NUDT17: variants seen among roughly 807,000 people sequenced by gnomAD.
NUDT17 encodes the protein nudix hydrolase 17.
NUDT17 carries 38 observed loss-of-function variants against 38.6 expected under a neutral mutation model. The ratio of observed to expected loss-of-function variants is 0.98; its 90% CI spans 0.76 to 1.29. NUDT17 has a LOEUF of 1.29. Ranked by LOEUF, NUDT17 falls within the 50% of genes most tolerant of loss-of-function variation. NUDT17 has a pLI of 0.00. For synonymous variants in NUDT17, 192 were observed against 167.8 expected (o/e 1.14, Z -1.11); for missense variants, 462 against 415.2 (o/e 1.11, Z -0.98).
In NUDT17 at chr1:145,848,414, C is replaced by A; in HGVS notation, c.922C>A (p.Pro308Thr). 1 of 1,614,120 alleles carries A rather than the reference C, an allele frequency of 6.2e-7. No individual in the cohort carries two copies. The highest frequency in any genetic ancestry group is 1.7e-5 in the Admixed American group (1 of 60,012). ...GTGTAAAAGTGCAGCTTACCTGGAC[C>A]CAGGGCCAGCAAAGGAAGAATGGAA... ...PPCKSAAYLD[P>T]GPAKEEWNMD... The change falls in exon 8 of 8, where the codon CCA becomes ACA. Residue 308 changes from proline to threonine, a missense_variant. Pro to Thr is a conservative substitution (Grantham distance 38). Coordinates refer to ENST00000334513, the MANE Select transcript of NUDT17 (RefSeq NM_001012758.3).
rs1559158542 is a variant in NUDT17, at chr1:145,846,055, AGGGTCC to A, written c.236_241del (p.Arg79_Pro81delinsThr). On this transcript the variant is annotated inframe_deletion, in exon 2 of 8. Coordinates refer to ENST00000334513, the MANE Select transcript of NUDT17 (RefSeq NM_001012758.3). The stretch of plus-strand genomic sequence containing the variant: ...TTTTGCGGCCCTGGAGGAGCGGCCC[AGGGTCC>A]CTGGGGCTGAGCTGCCCACAGATCG... 6.2e-7 allele frequency: 1 copy of A among 1,605,432 alleles called. No homozygotes were observed. Among genetic ancestry groups the A allele is most frequent in the Non-Finnish European group, 8.5e-7 (1 of 1,176,786 alleles).
intron 6 of NUDT17, 38 bp downstream of exon 6, chr1:145,847,757 A>G (rs1652779138): frequency 3.7e-6 from 6 of 1,602,262 alleles, no homozygotes; most frequent in Non-Finnish European, 3.4e-6. Context: ...TAATACACCA[A>G]CATATTCATG....
Position 145,848,394 on chromosome 1 carries a change from A to G in NUDT17, c.902A>G (p.Lys301Arg). Residue 301 changes from lysine to arginine, a missense_variant, in exon 8 of 8, where the codon AAA (lysine) becomes AGA (arginine). Physicochemically the swap from Lys to Arg is conservative, Grantham distance 26 (BLOSUM62 2). Transcript: ENST00000334513. ...CTCCACAGAACACCCCCACCGTGTA[A>G]AAGTGCAGCTTACCTGGACCCAGGG... ...QHLGRTPPPC[K>R]SAAYLDPGPA... The G allele has an allele frequency of 6.6e-7, 1 of 1,504,822 alleles. No homozygotes were observed. The highest frequency in any genetic ancestry group is 9.2e-7 in the Non-Finnish European group (1 of 1,089,304). 93.2% of individuals were successfully genotyped at this position (1,504,822 alleles called of 1,614,324 possible).
At chr1:145,845,926 AC>A (rs1473070318) in intron 1 of NUDT17, 86 bp from the exon 2 acceptor site, 4 of 1,522,662 alleles carry the variant, frequency 2.6e-6, no homozygotes, top group Non-Finnish European at 3.6e-6. Context: ...CCCGCCCCCA[AC>A]GCGCGGTGTA....
chr1:145,848,336 G>C, intron 7 of NUDT17, 41 bp from the exon 8 acceptor site: 1 of 1,612,052 alleles, frequency 6.2e-7, no homozygotes, highest in Non-Finnish European at 8.5e-7. Flanking sequence ...AGGCACGGGG[G>C]AAAGCAGGAA....
At chr1:145,846,721 A>G (rs1652707829) in intron 4 of NUDT17, 31 bp downstream of exon 4, 2 of 1,457,476 alleles carry the variant, frequency 1.4e-6, no homozygotes, top group East Asian at 2.3e-5. Flanking sequence ...AAGCTCCTCC[A>G]TAGATCAGCC....
rs781958200 is a variant in NUDT17 at position 145,848,414 on chromosome 1, C to T, written c.922C>T (p.Pro308Ser). Residue 308 changes from proline to serine, a missense_variant, in exon 8 of 8, where the codon CCA becomes TCA. Transcript: ENST00000334513. ...GTGTAAAAGTGCAGCTTACCTGGAC[C>T]CAGGGCCAGCAAAGGAAGAATGGAA... The part of the protein sequence containing the change: ...PPCKSAAYLD[P>S]GPAKEEWNMD... 6.2e-7 allele frequency: 1 copy of T among 1,614,120 alleles called. No individual in the cohort carries two copies. The highest frequency in any genetic ancestry group is 1.7e-5 in the Admixed American group (1 of 60,012).
At position 145,848,678 on chromosome 1, in the gene NUDT17, G is replaced by A. The variant is rs924879658; in HGVS notation, c.*199G>A. The A allele has an allele frequency of 1.6e-5, 9 of 565,914 alleles. No individual in the cohort carries two copies. The South Asian group carries it at 1.8e-4, about 11-fold the overall frequency. 35.1% of individuals were successfully genotyped at this position (565,914 alleles called of 1,614,324 possible). A position where few individuals can be genotyped will look rare whatever the true frequency, so the allele number is the denominator to read the frequency against. On this transcript the variant is annotated 3_prime_UTR_variant, in exon 8 of 8. Coordinates refer to ENST00000334513, the MANE Select transcript of NUDT17 (RefSeq NM_001012758.3). ...CCACCTCCCTGGAAAGGTGCAGAATGAGCCAGGCCTAACTACAGGGCCATG... is the reference window on the plus strand; with the variant it reads ...CCACCTCCCTGGAAAGGTGCAGAATAAGCCAGGCCTAACTACAGGGCCATG...
At chr1:145,846,558 C>A in intron 3 of NUDT17, 40 bp from the exon 4 acceptor site, 1 of 1,604,540 alleles carries the variant, frequency 6.2e-7, no homozygotes, top group Non-Finnish European at 8.5e-7. Context: ...TTGGAAGAGT[C>A]AGGCACTGGC....
At chr1:145,847,421 A>C in intron 5 of NUDT17, 73 bp downstream of exon 5, 1 of 864,486 alleles carries the variant, frequency 1.2e-6, no homozygotes, top group Non-Finnish European at 1.8e-6. Context: ...TGTGATTAGG[A>C]GCTGGGCGGG....
intron 6 of NUDT17, among the ~76,000 whole-genome samples, 192 bp from the exon 7 acceptor site, chr1:145,847,920 A>T (rs1202979448): frequency 6.6e-6 from 1 of 152,188 alleles, no homozygotes; most frequent in Non-Finnish European, 1.5e-5. Flanking sequence ...ACTGGCTAGC[A>T]TTGAAGGTCT....
At position 145,847,232 on chromosome 1, in the gene NUDT17, G is replaced by A; in HGVS notation, c.496-18G>A. ...AAAGTGACGGAAAGTTCTCACTTTT[G>A]CTGTTTTCTTTTCCTAGTCTGCCTA... On this transcript the variant is annotated intron_variant, in intron 4 of 7. Coordinates refer to ENST00000334513, the MANE Select transcript of NUDT17 (RefSeq NM_001012758.3). 7.2e-7 allele frequency: 1 copy of A among 1,386,518 alleles called. No individual in the cohort carries two copies. Among genetic ancestry groups the A allele is most frequent in the Non-Finnish European group, 1.0e-6 (1 of 1,002,520 alleles). 85.9% of individuals were successfully genotyped at this position (1,386,518 alleles called of 1,614,324 possible).
In NUDT17 at chr1:145,845,814, C is replaced by T. The variant is rs140457339; in HGVS notation, c.174C>T (p.Ser58=). 3,605 of 1,596,746 alleles carry T rather than the reference C, an allele frequency of 2.3e-3. 10 individuals are homozygous for T. Among genetic ancestry groups the T allele is most frequent in the Non-Finnish European group, 2.9e-3 (3,343 of 1,172,456 alleles). ...CGAGCAGGCCCTTCCCAGGCGCCTC[C>T]GCTAGGCTTCCGCTCCAGGTCGGCA... ...VLSSRPFPGA[S]ARLPLQRPPF... is the part of the protein sequence containing the mutation. Residue 58 remains serine (S), a synonymous_variant, in exon 1 of 8, where the codon TCC becomes TCT. Transcript: ENST00000334513.
At chr1:145,847,431 G>A (rs782592062) in intron 5 of NUDT17, 83 bp downstream of exon 5, 2 of 1,331,050 alleles carry the variant, frequency 1.5e-6, no homozygotes, top group South Asian at 1.2e-5. Flanking sequence ...AGCTGGGCGG[G>A]GGTGGCGGGG....
Position 145,848,573 on chromosome 1 carries a change from T to C in NUDT17, c.*94T>C. On this transcript the variant is annotated 3_prime_UTR_variant, in exon 8 of 8. Transcript: ENST00000334513. Reference sequence around the variant, plus strand: ...GAGAGCTTCACTACAACTTTAGAAATAAAAAGTAAAATTACAACATAGGTC... The same window carrying C: ...GAGAGCTTCACTACAACTTTAGAAACAAAAAGTAAAATTACAACATAGGTC... 1 of 918,708 alleles carries C rather than the reference T, an allele frequency of 1.1e-6. No individual in the cohort carries two copies. Among genetic ancestry groups the C allele is most frequent in the Non-Finnish European group, 1.7e-6 (1 of 586,394 alleles). 56.9% of individuals were successfully genotyped at this position (918,708 alleles called of 1,614,324 possible).
intron 6 of NUDT17, 135 bp from the exon 7 acceptor site, chr1:145,847,977 C>T (rs782165281): frequency 2.5e-5 from 26 of 1,025,402 alleles, no homozygotes; most frequent in Non-Finnish European, 3.8e-5. Flanking sequence ...CCTCCTTGAA[C>T]CTGTTTCCTT....
chr1:145,846,089 G>T lies in NUDT17; in HGVS notation c.269G>T (p.Gly90Val). The T allele has an allele frequency of 6.2e-7, 1 of 1,604,530 alleles. No individual in the cohort carries two copies. The highest frequency in any genetic ancestry group is 2.2e-5 in the East Asian group (1 of 44,524). The change falls in exon 2 of 8, where the codon GGT becomes GTT. Residue 90 changes from glycine (G) to valine (V), a missense_variant. Gly to Val is a moderately radical substitution (Grantham distance 109, BLOSUM62 -3). Transcript: ENST00000334513. ...VPGAELPTDR[G>V]VDLGVAVILQ... ...GGGGCTGAGCTGCCCACAGATCGAG[G>T]TGTGGACCTGGGTGTGGCCGTCATT...
Position 145,848,139 on chromosome 1 carries a change from A to C in NUDT17, c.759A>C (p.Arg253Ser), listed in dbSNP as rs1553733102. ...CAGTGGAACTAGAGGAGGATGGAAG[A>C]GCCCGACCTCTGGTCCTGCACATGT... Reference protein sequence around the residue: ...VLAVELEEDGRARPLVLHMST... With the variant: ...VLAVELEEDGSARPLVLHMST... Residue 253 changes from arginine to serine, a missense_variant, in exon 7 of 8, where the codon AGA becomes AGC. Coordinates refer to ENST00000334513, the MANE Select transcript of NUDT17 (RefSeq NM_001012758.3). The C allele has an allele frequency of 6.2e-7, 1 of 1,613,782 alleles. No individual in the cohort carries two copies. The highest frequency in any genetic ancestry group is 8.5e-7 in the Non-Finnish European group (1 of 1,179,946).
At chr1:145,845,886 T>C (rs1553732215) in intron 1 of NUDT17, 54 bp downstream of exon 1, 4 of 1,537,474 alleles carry the variant, frequency 2.6e-6, no homozygotes, top group East Asian at 2.4e-5. Context: ...AGATGGGGAC[T>C]GAAATCGGGT....
Sources: allele counts gnomAD v4.1 joint callset (sites outside exome capture counted in the v4.1 genomes callset), GRCh38; gene constraint gnomAD v4.1.1; transcripts MANE v1.5; gene names NCBI Gene and HGNC (gene_info 2026-07-23, HGNC 2026-07-21).